ROBO1: variants seen among roughly 807,000 people sequenced by gnomAD.
ROBO1 encodes the protein roundabout guidance receptor 1.
Under a neutral mutation model 195.9 loss-of-function variants are expected in ROBO1, and 149 were observed. That is an observed-to-expected ratio of 0.76 (90% confidence interval 0.67 to 0.87). The LOEUF (loss-of-function observed/expected upper bound fraction) is 0.87. Among genes scored for constraint, ROBO1 ranks in the 40% least tolerant of loss-of-function variants. ROBO1 has a pLI of 0.00. For missense variants in ROBO1, 1,933 were observed against 2,068.3 expected (o/e 0.93, Z 1.27); for synonymous variants, 816 against 733.2 (o/e 1.11, Z -1.82).
chr3:78,799,581 T>C (rs2084300192), intron 4 of ROBO1, among the ~76,000 whole-genome samples: 1 of 151,960 alleles, frequency 6.6e-6, no homozygotes, highest in Non-Finnish European at 1.5e-5. Context: ...GACCTCGTGA[T>C]CCACCCACCT....
At position 79,279,709 on chromosome 3, in the gene ROBO1, G is replaced by T. The variant is rs1475330055; in HGVS notation, c.89-154170C>A. Among the ~76,000 whole-genome samples, 4 of 152,294 alleles carry T rather than the reference G, an allele frequency of 2.6e-5. No individual in the cohort carries two copies. The East Asian group carries it at 7.7e-4, about 29-fold the overall frequency. On this transcript the variant is annotated intron_variant, in intron 2 of 30. Coordinates refer to ENST00000464233, the MANE Select transcript of ROBO1 (RefSeq NM_002941.4). ...TACCTTGGCTACTGTAATTAGTGCTGCAATAAACAAGGAGGAGGTAGAGAT... is the reference window on the plus strand; with the variant it reads ...TACCTTGGCTACTGTAATTAGTGCTTCAATAAACAAGGAGGAGGTAGAGAT...
intron 1 of ROBO1, among the ~76,000 whole-genome samples, chr3:79,631,963 T>C (rs1331393755): frequency 6.6e-6 from 1 of 151,994 alleles, no homozygotes. Context: ...TTTATTAAAA[T>C]GTCAAAAAAC....
At chr3:79,266,091 C>T (rs2029918323) in intron 2 of ROBO1, among the ~76,000 whole-genome samples, 2 of 151,378 alleles carry the variant, frequency 1.3e-5, no homozygotes, top group African/African-American at 2.4e-5. Flanking sequence ...AATGCATTTA[C>T]CCATGAGCTA....
chr3:79,538,545 A>C (rs961399284), intron 2 of ROBO1, among the ~76,000 whole-genome samples: 5 of 152,082 alleles, frequency 3.3e-5, no homozygotes, highest in African/African-American at 1.2e-4. Context: ...CAGCTACTCA[A>C]ATGTTTACTG....
At chr3:79,162,200 T>C (rs1451538388) in intron 2 of ROBO1, among the ~76,000 whole-genome samples, 1 of 152,116 alleles carries the variant, frequency 6.6e-6, no homozygotes, top group Non-Finnish European at 1.5e-5. Context: ...CCTTGACTAT[T>C]TGTCAGGGCT....
At chr3:78,916,327 C>T (rs1285545567) in intron 4 of ROBO1, among the ~76,000 whole-genome samples, 1 of 150,058 alleles carries the variant, frequency 6.7e-6, no homozygotes, top group African/African-American at 2.5e-5. Flanking sequence ...CCGAGGTGGG[C>T]GAACCACCTG....
At chr3:79,075,552 C>T (rs922960775) in intron 3 of ROBO1, among the ~76,000 whole-genome samples, 3 of 151,914 alleles carry the variant, frequency 2.0e-5, no homozygotes, top group African/African-American at 7.2e-5. Context: ...AACTTGCATC[C>T]TGTCATAGTT....
chr3:79,760,613 C>CA (rs55786186), intron 1 of ROBO1, among the ~76,000 whole-genome samples: 73,682 of 143,892 alleles, frequency 0.51, 18,918 homozygotes, highest in East Asian at 0.65. Flanking sequence ...CAATTCACAG[C>CA]AAAAAAAAAA....
At chr3:79,129,204 T>C (rs1238282692) in intron 2 of ROBO1, among the ~76,000 whole-genome samples, 1 of 152,188 alleles carries the variant, frequency 6.6e-6, no homozygotes, top group Non-Finnish European at 1.5e-5. Context: ...CTATGTTACA[T>C]ATTTTACATA....
intron 1 of ROBO1, among the ~76,000 whole-genome samples, chr3:79,693,256 T>TA (rs1365076250): frequency 1.3e-5 from 2 of 151,842 alleles, no homozygotes; most frequent in Non-Finnish European, 1.5e-5. Context: ...CATACATACA[T>TA]ACAAACTTTG....
chr3:78,670,113 G>A lies in ROBO1; in HGVS notation c.1531C>T (p.Gln511Ter), dbSNP rs1197124954. 6.2e-7 allele frequency: 1 copy of A among 1,613,084 alleles called. No individual in the cohort carries two copies. Among genetic ancestry groups the A allele is most frequent in the Admixed American group, 1.7e-5 (1 of 59,928 alleles). ...CAAGTTACCTTAGCATATCGGATCT[G>A]CAGTACTCCATTCTCCAACTGTTTG... ...RIKQLENGVL[Q>*]IRYAKLGDTG... The change falls in exon 11 of 31, where the codon CAG becomes TAG. Residue 511 changes from glutamine (Q) to a stop codon, truncating the protein, a stop_gained. Coordinates refer to ENST00000464233, the MANE Select transcript of ROBO1 (RefSeq NM_002941.4). LOFTEE classifies it high-confidence loss of function.
At chr3:79,503,542 A>G (rs1202985019) in intron 2 of ROBO1, among the ~76,000 whole-genome samples, 1 of 152,198 alleles carries the variant, frequency 6.6e-6, no homozygotes, top group Non-Finnish European at 1.5e-5. Flanking sequence ...CCCTTGGGTA[A>G]GTCACTTTAA....
chr3:79,370,224 G>A (rs186211978), intron 2 of ROBO1, among the ~76,000 whole-genome samples: 11 of 151,892 alleles, frequency 7.2e-5, no homozygotes, highest in Admixed American at 2.6e-4. Context: ...GCCAGGAGTG[G>A]GCATGTGCCT....
At chr3:79,637,929 T>C (rs1332457490) in intron 1 of ROBO1, among the ~76,000 whole-genome samples, 1 of 152,204 alleles carries the variant, frequency 6.6e-6, no homozygotes, top group Non-Finnish European at 1.5e-5. Context: ...AATTTTTTTA[T>C]ATGGATGGTT....
intron 2 of ROBO1, among the ~76,000 whole-genome samples, chr3:79,412,491 C>T (rs768237159): frequency 3.9e-5 from 6 of 152,052 alleles, no homozygotes; most frequent in Non-Finnish European, 8.8e-5. Flanking sequence ...GCAAACACAC[C>T]TCACTTCATT....
At chr3:79,456,744 C>A (rs935182609) in intron 2 of ROBO1, among the ~76,000 whole-genome samples, 5 of 152,096 alleles carry the variant, frequency 3.3e-5, no homozygotes, top group African/African-American at 1.2e-4. Context: ...TAATAAATAG[C>A]TATTTTTTCT....
chr3:78,857,850 G>A lies in ROBO1; in HGVS notation c.499+80751C>T, dbSNP rs145243413. Among the ~76,000 whole-genome samples the A allele has an allele frequency of 2.4e-3, 372 of 152,260 alleles. 2 individuals carry two copies. The highest frequency in any genetic ancestry group is 8.4e-3 in the African/African-American group (349 of 41,548). ...ACTCATAAGGCCTTTGGTTAAGGGC[G>A]ACCCTTTTTCTCTGAAATCAGTATT... On this transcript the variant is annotated intron_variant, in intron 4 of 30. Transcript: ENST00000464233.
At chr3:78,647,063 A>G (rs1706340176) in intron 20 of ROBO1, among the ~76,000 whole-genome samples, 3 of 152,144 alleles carry the variant, frequency 2.0e-5, no homozygotes, top group Admixed American at 1.3e-4. Flanking sequence ...ATTAAAACTG[A>G]GAGGGCACAA....
chr3:79,202,642 G>C (rs1055087041), intron 2 of ROBO1, among the ~76,000 whole-genome samples: 16 of 151,072 alleles, frequency 1.1e-4, no homozygotes, highest in African/African-American at 3.4e-4. Flanking sequence ...TTTCAAAGAA[G>C]TTGTTATACA....
Sources: gnomAD v4.1 joint callset for allele counts (sites outside exome capture counted in the v4.1 genomes callset) on GRCh38, gnomAD v4.1.1 for gene constraint, MANE v1.5 for transcripts, NCBI Gene and HGNC (gene_info 2026-07-23, HGNC 2026-07-21) for gene names.